The following ELMO1 variants were observed in gnomAD, a reference collection of about 807,000 sequenced individuals.
The protein encoded by ELMO1 is engulfment and cell motility 1.
A neutral mutation model predicts 98.9 loss-of-function variants in ELMO1; 26 were observed. The ratio of observed to expected loss-of-function variants is 0.26; its 90% CI spans 0.19 to 0.36. ELMO1 has a LOEUF of 0.36. ELMO1 is among the 10% of genes least tolerant of loss of function. The probability of loss-of-function intolerance (pLI) is 1.00; values close to 1 mark genes in which losing one functional copy is unlikely to be tolerated. For synonymous variants in ELMO1, 346 were observed against 346.0 expected (o/e 1.00, Z 0.00); for missense variants, 627 against 935.2 (o/e 0.67, Z 4.30).
At chr7:37,222,842 T>C in intron 9 of ELMO1, 149 bp from the exon 10 acceptor site, 1 of 651,576 alleles carries the variant, frequency 1.5e-6, no homozygotes, top group Non-Finnish European at 2.7e-6. Flanking sequence ...CATTTTGCAC[T>C]GAGAATGCAT....
At chr7:37,088,282 T>G (rs1039722246) in intron 15 of ELMO1, among the ~76,000 whole-genome samples, 11 of 152,194 alleles carry the variant, frequency 7.2e-5, no homozygotes, top group Non-Finnish European at 1.5e-5. Context: ...CTGTAACCAC[T>G]TCCTATGGGG....
chr7:37,237,707 AG>A (rs1221482410), intron 7 of ELMO1, among the ~76,000 whole-genome samples: 2 of 152,342 alleles, frequency 1.3e-5, no homozygotes, highest in East Asian at 3.9e-4. Context: ...CTGCCCTTTG[AG>A]TTTTTCCATC....
At chr7:37,131,034 A>G (rs1786885464) in intron 14 of ELMO1, among the ~76,000 whole-genome samples, 1 of 152,140 alleles carries the variant, frequency 6.6e-6, no homozygotes, top group Admixed American at 6.6e-5. Context: ...TGCCCAGATC[A>G]CTATTTTCAC....
chr7:37,209,114 A>T (rs1355685970), intron 13 of ELMO1, among the ~76,000 whole-genome samples: 1 of 152,222 alleles, frequency 6.6e-6, no homozygotes, highest in African/African-American at 2.4e-5. Flanking sequence ...AGGAATTAAC[A>T]AGAATGTTAA....
At chr7:37,065,467 T>G (rs1013154199) in intron 15 of ELMO1, among the ~76,000 whole-genome samples, 3 of 152,118 alleles carry the variant, frequency 2.0e-5, no homozygotes, top group African/African-American at 7.2e-5. Context: ...TTAGCAGCAT[T>G]CACTGGTACC....
intron 4 of ELMO1, among the ~76,000 whole-genome samples, chr7:37,283,450 G>C (rs1163226297): frequency 6.6e-6 from 1 of 152,178 alleles, no homozygotes; most frequent in Non-Finnish European, 1.5e-5. Context: ...GCTCAGGGTA[G>C]AACCCAGTTC....
intron 16 of ELMO1, among the ~76,000 whole-genome samples, chr7:36,988,704 C>CA (rs1218079898): frequency 1.6e-4 from 24 of 152,242 alleles, no homozygotes; most frequent in Non-Finnish European, 2.6e-4. Flanking sequence ...GTGACCCAAA[C>CA]AAAACACATG....
chr7:37,333,327 G>A (rs1045351303), intron 2 of ELMO1, among the ~76,000 whole-genome samples: 20 of 152,182 alleles, frequency 1.3e-4, no homozygotes, highest in African/African-American at 4.8e-5. Context: ...AAAGGTTCTA[G>A]AAATGTCAGA....
intron 16 of ELMO1, among the ~76,000 whole-genome samples, chr7:36,939,848 C>T (rs1301119530): frequency 6.6e-6 from 1 of 152,214 alleles, no homozygotes; most frequent in Non-Finnish European, 1.5e-5. Context: ...TGGCATCTGA[C>T]CCACAATAAG....
intron 13 of ELMO1, among the ~76,000 whole-genome samples, chr7:37,195,880 T>A (rs1791934532): frequency 6.6e-6 from 1 of 152,156 alleles, no homozygotes; most frequent in Non-Finnish European, 1.5e-5. Flanking sequence ...AGGAAAAGCT[T>A]TAGTATATGA....
intron 18 of ELMO1, among the ~76,000 whole-genome samples, chr7:36,882,517 AT>A (rs1345420346): frequency 1.3e-5 from 2 of 152,202 alleles, no homozygotes; most frequent in African/African-American, 4.8e-5. Flanking sequence ...TTGTGTTTTG[AT>A]TCTGAATTCT....
At chr7:37,015,068 A>G (rs1793837846) in intron 15 of ELMO1, among the ~76,000 whole-genome samples, 1 of 152,182 alleles carries the variant, frequency 6.6e-6, no homozygotes, top group Non-Finnish European at 1.5e-5. Context: ...GTTTAAAACA[A>G]CAGCAAAGTG....
chr7:37,341,222 G>A (rs998815319), intron 2 of ELMO1, among the ~76,000 whole-genome samples: 3 of 152,182 alleles, frequency 2.0e-5, no homozygotes, highest in African/African-American at 4.8e-5. Flanking sequence ...ATGCCACTGC[G>A]GGGCATTCAG....
chr7:36,906,030 C>T (rs1401522742), intron 16 of ELMO1, among the ~76,000 whole-genome samples: 1 of 152,198 alleles, frequency 6.6e-6, no homozygotes, highest in Admixed American at 6.5e-5. Context: ...ATAAACTTTT[C>T]CTAAGCAGAC....
chr7:37,233,037 A>G (rs1335775137), intron 8 of ELMO1, 58 bp downstream of exon 8: 3 of 1,418,048 alleles, frequency 2.1e-6, no homozygotes, highest in Non-Finnish European at 2.9e-6. Flanking sequence ...CAAAGCAGAG[A>G]AAAATAGCTA....
intron 16 of ELMO1, among the ~76,000 whole-genome samples, chr7:36,989,259 A>T (rs1458898440): frequency 6.6e-6 from 1 of 152,218 alleles, no homozygotes; most frequent in East Asian, 1.9e-4. Context: ...AACTTGACTG[A>T]AATAACAACA....
chr7:36,911,851 T>C (rs762172365), intron 16 of ELMO1, among the ~76,000 whole-genome samples: 1 of 152,194 alleles, frequency 6.6e-6, no homozygotes, highest in Non-Finnish European at 1.5e-5. Flanking sequence ...AAGGTGGCTC[T>C]GCAAACAGCC....
chr7:37,170,651 C>G (rs1311161010), intron 13 of ELMO1, among the ~76,000 whole-genome samples: 3 of 150,996 alleles, frequency 2.0e-5, no homozygotes, highest in African/African-American at 7.3e-5. Flanking sequence ...ACTCTGTCAC[C>G]CAGGCAGGAG....
chr7:37,305,444 T>C (rs1383447557), intron 4 of ELMO1, among the ~76,000 whole-genome samples: 2 of 47,352 alleles, frequency 4.2e-5, no homozygotes, highest in African/African-American at 1.2e-4. Flanking sequence ...ACAGTACAGA[T>C]AGTGTGTGTG....
Sources: allele counts gnomAD v4.1 joint callset (sites outside exome capture counted in the v4.1 genomes callset), GRCh38; gene constraint gnomAD v4.1.1; transcripts MANE v1.5; gene names NCBI Gene and HGNC (gene_info 2026-07-23, HGNC 2026-07-21).